ITGB8: variants seen among roughly 807,000 people sequenced by gnomAD.
The protein encoded by ITGB8 is integrin subunit beta 8, also known as integrin beta-8.
Under a neutral mutation model 89.5 loss-of-function variants are expected in ITGB8, and 30 were observed. That is an observed-to-expected ratio of 0.34 (90% confidence interval 0.25 to 0.45). The LOEUF (loss-of-function observed/expected upper bound fraction) is 0.45, where lower values mean the gene tolerates loss of function less well. ITGB8 is among the 20% of genes least tolerant of loss of function. ITGB8 has a pLI of 1.00. For missense variants in ITGB8, 836 were observed against 933.3 expected, an observed-to-expected ratio of 0.90 and a Z score of 1.36; for synonymous variants, 335 against 320.4, an observed-to-expected ratio of 1.05 and a Z score of -0.49.
rs1583512434 is a variant in ITGB8 at position 20,380,090 on chromosome 7, G to A, written c.636-576G>A. The A allele has an allele frequency of 2.6e-5, 4 of 152,870 alleles. No individual in the cohort carries two copies. In the South Asian group the frequency reaches 8.2e-4, roughly 31 times the overall value. 9.5% of individuals were successfully genotyped at this position (152,870 alleles called of 1,614,324 possible). A position where few individuals can be genotyped will look rare whatever the true frequency, so the allele number is the denominator to read the frequency against. Reference sequence around the variant, plus strand: ...TCTGTCATCTGTTGTACCGGAACAGGATTGATGCATCCATCAATGGAGTTT... The same window carrying A: ...TCTGTCATCTGTTGTACCGGAACAGAATTGATGCATCCATCAATGGAGTTT... On this transcript the variant is annotated intron_variant, in intron 4 of 13. Coordinates refer to ENST00000222573, the MANE Select transcript of ITGB8 (RefSeq NM_002214.3).
intron 1 of ITGB8, among the ~76,000 whole-genome samples, chr7:20,354,681 G>A (rs1382102266): frequency 1.3e-5 from 2 of 152,172 alleles, no homozygotes; most frequent in Non-Finnish European, 2.9e-5. Flanking sequence ...GGACATTACA[G>A]CCATGTTCCA....
chr7:20,366,271 C>G lies in ITGB8; in HGVS notation c.214-741C>G, dbSNP rs553675271. 335 of 152,136 alleles carry G rather than the reference C, an allele frequency of 2.2e-3. 3 individuals are homozygous for G. Among genetic ancestry groups the G allele is most frequent in the Non-Finnish European group, 3.1e-3 (211 of 68,014 alleles). 9.4% of individuals were successfully genotyped at this position (152,136 alleles called of 1,614,324 possible). A position where few individuals can be genotyped will look rare whatever the true frequency, so the allele number is the denominator to read the frequency against. On this transcript the variant is annotated intron_variant, in intron 2 of 13. Coordinates refer to ENST00000222573, the MANE Select transcript of ITGB8 (RefSeq NM_002214.3). Reference sequence around the variant, plus strand: ...GTAGTGAGAGTTCAGAGCGTAGGCTCGGAGCATAGTTATACTTTCACAGCA... The same window carrying G: ...GTAGTGAGAGTTCAGAGCGTAGGCTGGGAGCATAGTTATACTTTCACAGCA...
At chr7:20,387,866 A>T (rs1786691952) in intron 6 of ITGB8, among the ~76,000 whole-genome samples, 1 of 152,200 alleles carries the variant, frequency 6.6e-6, no homozygotes, top group Non-Finnish European at 1.5e-5. Context: ...ATCTCTAAAT[A>T]AATGTCTGCT....
At chr7:20,357,376 C>G (rs941960744) in intron 1 of ITGB8, among the ~76,000 whole-genome samples, 7 of 152,044 alleles carry the variant, frequency 4.6e-5, no homozygotes, top group Non-Finnish European at 1.0e-4. Context: ...ACCCAAGGGA[C>G]TTTCATTTTA....
chr7:20,338,383 T>C (rs1339524227), intron 1 of ITGB8, among the ~76,000 whole-genome samples: 3 of 152,014 alleles, frequency 2.0e-5, no homozygotes, highest in African/African-American at 7.2e-5. Context: ...TCCCATCACT[T>C]TGGGAGGCTG....
At chr7:20,383,593 T>C (rs1786489900) in intron 6 of ITGB8, among the ~76,000 whole-genome samples, 1 of 152,180 alleles carries the variant, frequency 6.6e-6, no homozygotes, top group Non-Finnish European at 1.5e-5. Flanking sequence ...TTTGAAGTTT[T>C]GCCAAGTCAC....
rs199849812 is a variant in ITGB8, at chr7:20,357,933, G to GT, written c.128-5696dup. On this transcript the variant is annotated intron_variant, in intron 1 of 13. Coordinates refer to ENST00000222573, the MANE Select transcript of ITGB8 (RefSeq NM_002214.3). ...CTTTTTCTGATTTCTGTCAAGGCAG[G>GT]TTTTTTTTGTTATCGTTGTTGTTTT... Among the ~76,000 whole-genome samples, 1,485 of 151,932 alleles carry GT rather than the reference G, an allele frequency of 9.8e-3. 10 individuals carry two copies. The highest frequency in any genetic ancestry group is 0.015 in the Non-Finnish European group (1,012 of 67,924).
At chr7:20,361,782 C>A (rs568609605) in intron 1 of ITGB8, among the ~76,000 whole-genome samples, 1 of 152,260 alleles carries the variant, frequency 6.6e-6, no homozygotes, top group South Asian at 2.1e-4. Flanking sequence ...TGGCAGCCTA[C>A]AACAGATGGA....
At chr7:20,335,548 T>G (rs1784546068) in intron 1 of ITGB8, among the ~76,000 whole-genome samples, 1 of 152,240 alleles carries the variant, frequency 6.6e-6, no homozygotes, top group African/African-American at 2.4e-5. Flanking sequence ...GTTTTTCTCC[T>G]ATCTACTGTA....
chr7:20,355,481 C>G (rs1188473385), intron 1 of ITGB8, among the ~76,000 whole-genome samples: 1 of 152,170 alleles, frequency 6.6e-6, no homozygotes, highest in Non-Finnish European at 1.5e-5. Flanking sequence ...CATTATTGTA[C>G]TACCTCCTTC....
At chr7:20,387,109 T>TA (rs1786657604) in intron 6 of ITGB8, among the ~76,000 whole-genome samples, 2 of 152,228 alleles carry the variant, frequency 1.3e-5, no homozygotes, top group South Asian at 2.1e-4. Context: ...AGTCATTTGT[T>TA]AAAAACTGTC....
chr7:20,365,575 T>C (rs1277616751), intron 2 of ITGB8: 1 of 152,170 alleles, frequency 6.6e-6, no homozygotes, highest in African/African-American at 2.4e-5. Context: ...CACAGAGGCA[T>C]GGCTTAAGAA....
chr7:20,406,136 T>C lies in ITGB8; in HGVS notation c.1988T>C (p.Leu663Pro). 6.2e-7 allele frequency: 1 copy of C among 1,612,798 alleles called. No individual in the cohort carries two copies. Among genetic ancestry groups the C allele is most frequent in the Non-Finnish European group, 8.5e-7 (1 of 1,178,784 alleles). Residue 663 changes from leucine to proline, a missense_variant, in exon 12 of 14, where the codon CTC becomes CCC. Coordinates refer to ENST00000222573, the MANE Select transcript of ITGB8 (RefSeq NM_002214.3). ...GATCAGTGCAAAACCTCATGTGCTC[T>C]CATGGAACAACAGCATTATGTCGAC... Reference protein sequence around the residue: ...ILDQCKTSCALMEQQHYVDQT... With the variant: ...ILDQCKTSCAPMEQQHYVDQT...
intron 6 of ITGB8, among the ~76,000 whole-genome samples, chr7:20,388,590 C>G (rs2127970198): frequency 6.6e-6 from 1 of 152,044 alleles, no homozygotes; most frequent in South Asian, 2.1e-4. Flanking sequence ...CTCTCTAGGG[C>G]TCAAAAAATC....
At chr7:20,396,009 C>T (rs529702050) in intron 8 of ITGB8, among the ~76,000 whole-genome samples, 8 of 152,176 alleles carry the variant, frequency 5.3e-5, no homozygotes, top group Non-Finnish European at 1.0e-4. Flanking sequence ...CTTCCTAACA[C>T]GCAGAGTTTA....
chr7:20,366,960 G>C (rs756008216), intron 2 of ITGB8, 52 bp from the exon 3 acceptor site: 1,093 of 1,240,458 alleles, frequency 8.8e-4, no homozygotes, highest in Non-Finnish European at 1.1e-3. Context: ...ATTTTCTTTG[G>C]ATGTAATTGA....
Position 20,380,768 on chromosome 7 carries a change from C to A in ITGB8, c.738C>A (p.Ile246=), listed in dbSNP as rs1786346980. The change falls in exon 5 of 14, where the codon ATC becomes ATA. Residue 246 remains isoleucine (I), a synonymous_variant. Coordinates refer to ENST00000222573, the MANE Select transcript of ITGB8 (RefSeq NM_002214.3). ...AGAAAGCAGTTCATAGACAGAAGATCTCTGGAAACATAGATACACCAGAAG... is the reference window on the plus strand; with the variant it reads ...AGAAAGCAGTTCATAGACAGAAGATATCTGGAAACATAGATACACCAGAAG... ...EFEKAVHRQK[I]SGNIDTPEGG... is the part of the protein sequence containing the mutation. 1 of 1,613,676 alleles carries A rather than the reference C, an allele frequency of 6.2e-7. No homozygotes were observed. The highest frequency in any genetic ancestry group is 1.3e-5 in the African/African-American group (1 of 74,930).
chr7:20,402,086 T>G lies in ITGB8; in HGVS notation c.1647T>G (p.Asp549Glu). The G allele has an allele frequency of 1.9e-6, 3 of 1,613,884 alleles. No individual in the cohort carries two copies. Among genetic ancestry groups the G allele is most frequent in the Non-Finnish European group, 2.5e-6 (3 of 1,179,844 alleles). ...TGTATGGAAAATACTGTGAAAAGGA[T>G]GACTTTTCTTGTCCATATCACCATG... ...GKVYGKYCEK[D>E]DFSCPYHHGN... Residue 549 changes from aspartate (D) to glutamate (E), a missense_variant, in exon 10 of 14, where the codon GAT becomes GAG. Asp to Glu is a conservative substitution (Grantham distance 45). This residue lies in a region of ITGB8 where 422 missense variants were observed against 416.9 expected (regional missense o/e 1.01). Coordinates refer to ENST00000222573, the MANE Select transcript of ITGB8 (RefSeq NM_002214.3).
intron 7 of ITGB8, among the ~76,000 whole-genome samples, chr7:20,391,884 A>G (rs1354353062): frequency 6.6e-6 from 1 of 152,204 alleles, no homozygotes; most frequent in Non-Finnish European, 1.5e-5. Flanking sequence ...TATCCTCATA[A>G]TAGGTTAAAA....
Sources: gnomAD v4.1 joint callset for allele counts (sites outside exome capture counted in the v4.1 genomes callset) on GRCh38, gnomAD v4.1.1 for gene constraint, gnomAD v4.1.1 regional missense constraint, MANE v1.5 for transcripts, NCBI Gene and HGNC (gene_info 2026-07-23, HGNC 2026-07-21) for gene names.